LRRC4C: variants seen among roughly 807,000 people sequenced by gnomAD.
The protein encoded by LRRC4C is leucine-rich repeat-containing protein 4C.
LRRC4C carries 5 observed loss-of-function variants against 33.6 expected under a neutral mutation model. The observed-to-expected ratio is 0.15, with a 90% confidence interval of 0.08 to 0.31. The LOEUF is 0.31. Among genes scored for constraint, LRRC4C ranks in the 10% least tolerant of loss-of-function variants. LRRC4C has a pLI of 1.00. For missense variants in LRRC4C, 560 were observed against 796.7 expected (o/e 0.70, Z 3.58); for synonymous variants, 329 against 302.0 (o/e 1.09, Z -0.93).
intron 1 of LRRC4C, among the ~76,000 whole-genome samples, chr11:41,411,365 G>T (rs917640828): frequency 6.6e-6 from 1 of 151,228 alleles, no homozygotes; most frequent in Non-Finnish European, 1.5e-5. Context: ...AGCCAGGATG[G>T]TCTTGATCTC....
At chr11:40,243,321 C>T (rs1015889884) in intron 4 of LRRC4C, among the ~76,000 whole-genome samples, 21 of 152,156 alleles carry the variant, frequency 1.4e-4, no homozygotes, top group African/African-American at 5.1e-4. Context: ...AGCTAAGGCG[C>T]TTTAAATGTC....
At chr11:41,271,601 T>C (rs1949323775) in intron 1 of LRRC4C, among the ~76,000 whole-genome samples, 1 of 152,136 alleles carries the variant, frequency 6.6e-6, no homozygotes, top group East Asian at 1.9e-4. Flanking sequence ...CACTCTCTGT[T>C]CACAGTCTGT....
chr11:40,920,924 G>GTT (rs35422765), intron 2 of LRRC4C, among the ~76,000 whole-genome samples: 2,486 of 145,030 alleles, frequency 0.017, 45 homozygotes, highest in African/African-American at 0.047. Context: ...CATAATCAAG[G>GTT]TTTTTTTTTT....
chr11:41,137,580 T>C (rs1315199457), intron 1 of LRRC4C, among the ~76,000 whole-genome samples: 1 of 152,166 alleles, frequency 6.6e-6, no homozygotes, highest in East Asian at 1.9e-4. Flanking sequence ...CCATCATCAG[T>C]GACATAAGTG....
intron 4 of LRRC4C, among the ~76,000 whole-genome samples, chr11:40,310,901 A>C (rs1009987091): frequency 6.6e-5 from 10 of 152,302 alleles, no homozygotes; most frequent in African/African-American, 1.7e-4. Flanking sequence ...TTTAGGGTCC[A>C]TTTGAAAATA....
In LRRC4C at chr11:41,002,506, A is replaced by G. The variant is rs1854458589; in HGVS notation, c.-495-68783T>C. Among the ~76,000 whole-genome samples the G allele has an allele frequency of 2.6e-5, 4 of 152,154 alleles. No homozygotes were observed. In the South Asian group the frequency reaches 8.3e-4, roughly 32 times the overall value. ...GTCATCAGACAGCATCATATGTCCC[A>G]CACTTGTATCTCTGTTTTTGCTACC... On this transcript the variant is annotated intron_variant, in intron 1 of 6. Coordinates refer to ENST00000528697, the MANE Select transcript of LRRC4C (RefSeq NM_001258419.2).
chr11:41,403,650 C>T (rs1954109165), intron 1 of LRRC4C, among the ~76,000 whole-genome samples: 1 of 152,092 alleles, frequency 6.6e-6, no homozygotes, highest in African/African-American at 2.4e-5. Flanking sequence ...CCGACAAAAA[C>T]TTGGCTCTTC....
intron 3 of LRRC4C, among the ~76,000 whole-genome samples, chr11:40,452,078 A>G (rs912540596): frequency 1.3e-5 from 2 of 152,088 alleles, no homozygotes; most frequent in African/African-American, 4.8e-5. Context: ...CACCTGGAAA[A>G]TCTTGTCACT....
rs1047625157 is a variant in LRRC4C at position 40,253,545 on chromosome 11, C to T, written c.-175-11947G>A. ...CTACCTCAAAAAATGCTTGTGGTGA[C>T]TAAATGAGATAATCAATGGAAATGA... On this transcript the variant is annotated intron_variant, in intron 4 of 6. Coordinates refer to ENST00000528697, the MANE Select transcript of LRRC4C (RefSeq NM_001258419.2). Among the ~76,000 whole-genome samples, 8 of 152,132 alleles carry T rather than the reference C, an allele frequency of 5.3e-5. No homozygotes were observed. The East Asian group carries it at 1.3e-3, about 26-fold the overall frequency.
At chr11:40,212,880 A>C (rs1863707659) in intron 5 of LRRC4C, among the ~76,000 whole-genome samples, 2 of 152,168 alleles carry the variant, frequency 1.3e-5, no homozygotes. Context: ...AGCAGCAGTA[A>C]CTTGGGGAGC....
At chr11:40,509,898 C>T (rs892480552) in intron 3 of LRRC4C, among the ~76,000 whole-genome samples, 2 of 152,040 alleles carry the variant, frequency 1.3e-5, no homozygotes, top group African/African-American at 4.8e-5. Context: ...TTGCTATTGG[C>T]TCCTAAATGA....
chr11:40,646,333 C>T (rs1565594424), intron 3 of LRRC4C, among the ~76,000 whole-genome samples: 2 of 152,126 alleles, frequency 1.3e-5, no homozygotes, highest in East Asian at 3.9e-4. Context: ...AAGTTTAAAG[C>T]TCCTGTTGCT....
chr11:40,589,023 G>A (rs1408663533), intron 3 of LRRC4C, among the ~76,000 whole-genome samples: 1 of 152,088 alleles, frequency 6.6e-6, no homozygotes, highest in Non-Finnish European at 1.5e-5. Context: ...TTCAATTGCT[G>A]GGTATCCTTG....
intron 5 of LRRC4C, among the ~76,000 whole-genome samples, chr11:40,221,980 TGA>T (rs756602501): frequency 3.3e-5 from 5 of 152,148 alleles, no homozygotes; most frequent in Admixed American, 6.6e-5. Context: ...ACTTGGTGTC[TGA>T]GGAGTTTTGT....
chr11:40,407,457 A>G (rs893526947), intron 3 of LRRC4C, among the ~76,000 whole-genome samples: 3 of 152,086 alleles, frequency 2.0e-5, no homozygotes, highest in African/African-American at 7.2e-5. Context: ...CAGGGAGGTG[A>G]TGTTTCAATG....
chr11:41,238,419 C>T (rs1224049006), intron 1 of LRRC4C, among the ~76,000 whole-genome samples: 1 of 152,120 alleles, frequency 6.6e-6, no homozygotes, highest in African/African-American at 2.4e-5. Flanking sequence ...ATTCCAACTT[C>T]ACAAGAACTG....
intron 1 of LRRC4C, among the ~76,000 whole-genome samples, chr11:41,283,495 T>C (rs1949731890): frequency 6.6e-6 from 1 of 152,210 alleles, no homozygotes; most frequent in African/African-American, 2.4e-5. Context: ...TTTTCACTTT[T>C]GAGTGGTTGA....
chr11:40,683,665 T>C (rs920917885), intron 2 of LRRC4C, among the ~76,000 whole-genome samples: 8 of 152,174 alleles, frequency 5.3e-5, no homozygotes, highest in Non-Finnish European at 1.2e-4. Context: ...GAAGTAGATA[T>C]GTATTTATTT....
intron 2 of LRRC4C, among the ~76,000 whole-genome samples, chr11:40,888,007 G>C (rs1955539863): frequency 6.6e-6 from 1 of 151,822 alleles, no homozygotes; most frequent in South Asian, 2.1e-4. Flanking sequence ...GTCTTATAAA[G>C]AATTAGTCTT....
Sources: gnomAD v4.1 joint callset for allele counts (sites outside exome capture counted in the v4.1 genomes callset) on GRCh38, gnomAD v4.1.1 for gene constraint, MANE v1.5 for transcripts, NCBI Gene and HGNC (gene_info 2026-07-23, HGNC 2026-07-21) for gene names.